Variants in RALGAPA1 observed in about 807,000 individuals in gnomAD.
RALGAPA1 encodes ral GTPase-activating protein subunit alpha-1.
In RALGAPA1, 52 loss-of-function variants were observed where a neutral mutation model predicts 269.6. That is an observed-to-expected ratio of 0.19 (90% confidence interval 0.15 to 0.24). The LOEUF is 0.24. Ranked by LOEUF, RALGAPA1 falls within the 10% of genes least tolerant of loss-of-function variation. The pLI is 1.00. For synonymous variants in RALGAPA1, 817 were observed against 1,008.3 expected (o/e 0.81, Z 3.60); for missense variants, 1,917 against 3,013.9 (o/e 0.64, Z 8.52).
intron 1 of RALGAPA1, among the ~76,000 whole-genome samples, chr14:35,787,965 G>T (rs1329273434): frequency 1.3e-5 from 2 of 151,860 alleles, no homozygotes; most frequent in African/African-American, 2.4e-5. Flanking sequence ...TTTCTACTCA[G>T]TTTTTTATTT....
chr14:35,790,407 G>A (rs2076072880), intron 1 of RALGAPA1, among the ~76,000 whole-genome samples: 1 of 152,092 alleles, frequency 6.6e-6, no homozygotes, highest in Non-Finnish European at 1.5e-5. Flanking sequence ...CTTGGAACAG[G>A]CCAAGCGCGG....
At chr14:35,540,740 T>C (rs538696340) in intron 41 of RALGAPA1, among the ~76,000 whole-genome samples, 4 of 152,174 alleles carry the variant, frequency 2.6e-5, no homozygotes, top group Middle Eastern at 3.4e-3. Flanking sequence ...CTTAAGTACA[T>C]GAAAATTTTC....
At chr14:35,753,225 A>T (rs757058139) in intron 7 of RALGAPA1, among the ~76,000 whole-genome samples, 1 of 152,208 alleles carries the variant, frequency 6.6e-6, no homozygotes, top group Non-Finnish European at 1.5e-5. Context: ...CTTCCACTAG[A>T]CAAATTTAGG....
intron 35 of RALGAPA1, among the ~76,000 whole-genome samples, chr14:35,606,653 T>C (rs1416276552): frequency 2.6e-5 from 4 of 152,064 alleles, no homozygotes; most frequent in Non-Finnish European, 5.9e-5. Context: ...CTTTCCAAGC[T>C]AACTAAGTCA....
chr14:35,788,823 T>C (rs1053279284), intron 1 of RALGAPA1, among the ~76,000 whole-genome samples: 2 of 152,244 alleles, frequency 1.3e-5, no homozygotes, highest in Non-Finnish European at 2.9e-5. Context: ...GCACCAATAC[T>C]TAAGACAACC....
intron 3 of RALGAPA1, among the ~76,000 whole-genome samples, chr14:35,772,167 C>T (rs140011657): frequency 1.6e-4 from 25 of 152,222 alleles, no homozygotes; most frequent in Non-Finnish European, 3.5e-4. Context: ...GTGATCCACT[C>T]GTCTCAGCCT....
intron 1 of RALGAPA1, among the ~76,000 whole-genome samples, chr14:35,779,519 C>T (rs994420850): frequency 6.6e-6 from 1 of 150,940 alleles, no homozygotes; most frequent in Non-Finnish European, 1.5e-5. Context: ...CAAAGCGAGA[C>T]CTTGTCACTA....
At chr14:35,780,091 A>G (rs1291875788) in intron 1 of RALGAPA1, among the ~76,000 whole-genome samples, 1 of 147,582 alleles carries the variant, frequency 6.8e-6, no homozygotes, top group Non-Finnish European at 1.5e-5. Context: ...TGGGTAACAG[A>G]GCTAGACTGT....
intron 21 of RALGAPA1, among the ~76,000 whole-genome samples, chr14:35,680,975 G>GT (rs943641456): frequency 1.3e-5 from 2 of 151,978 alleles, no homozygotes; most frequent in African/African-American, 4.8e-5. Context: ...CTCTTGAACG[G>GT]TTTTTTTAAA....
At chr14:35,750,306 CTTTA>C (rs1258344666) in intron 9 of RALGAPA1, among the ~76,000 whole-genome samples, 172 bp downstream of exon 9, 5 of 152,164 alleles carry the variant, frequency 3.3e-5, no homozygotes, top group Admixed American at 2.0e-4. Context: ...CGTTTCATTT[CTTTA>C]TTAAGAAACT....
chr14:35,719,875 C>T (rs1445638668), intron 16 of RALGAPA1, among the ~76,000 whole-genome samples: 3 of 152,012 alleles, frequency 2.0e-5, no homozygotes, highest in Admixed American at 1.3e-4. Context: ...CTCAGCCTCC[C>T]GAGCAGCTGG....
At chr14:35,541,407 G>A (rs567091750) in intron 41 of RALGAPA1, among the ~76,000 whole-genome samples, 1 of 152,188 alleles carries the variant, frequency 6.6e-6, no homozygotes, top group East Asian at 1.9e-4. Flanking sequence ...TGTTTCCAAG[G>A]AAAAATATTC....
intron 1 of RALGAPA1, among the ~76,000 whole-genome samples, chr14:35,790,023 G>A (rs972728371): frequency 6.6e-6 from 1 of 152,138 alleles, no homozygotes; most frequent in African/African-American, 2.4e-5. Flanking sequence ...GGAGGCCAAG[G>A]AGGTGGATCT....
intron 1 of RALGAPA1, among the ~76,000 whole-genome samples, chr14:35,788,877 C>G (rs550558372): frequency 2.2e-4 from 34 of 152,268 alleles, no homozygotes; most frequent in Middle Eastern, 6.8e-3. Flanking sequence ...TTGTCCATTG[C>G]TTGCTCATGA....
chr14:35,760,697 T>C (rs2073624049), intron 6 of RALGAPA1, 132 bp downstream of exon 6: 2 of 596,650 alleles, frequency 3.4e-6, no homozygotes, highest in East Asian at 2.9e-5. Flanking sequence ...ACCTGAATAA[T>C]AATAAAAGCT....
chr14:35,578,593 C>T (rs556022449), intron 37 of RALGAPA1, among the ~76,000 whole-genome samples: 2 of 152,222 alleles, frequency 1.3e-5, no homozygotes, highest in Non-Finnish European at 2.9e-5. Context: ...ACAGGCACAG[C>T]ATCCAATACT....
chr14:35,780,246 C>G (rs143160331), intron 1 of RALGAPA1, among the ~76,000 whole-genome samples: 185 of 152,228 alleles, frequency 1.2e-3, no homozygotes, highest in East Asian at 8.1e-3. Flanking sequence ...CTGAACAGAA[C>G]TGAATTGAAG....
rs950726485 is a variant in RALGAPA1 at position 35,706,115 on chromosome 14, C to T, written c.2267-5813G>A. ...TCGTTTCATTCCCTTAACAATGTCTCTCACAAAGCAGAAGTTTTAAATTTA... is the reference window on the plus strand; with the variant it reads ...TCGTTTCATTCCCTTAACAATGTCTTTCACAAAGCAGAAGTTTTAAATTTA... On this transcript the variant is annotated intron_variant, in intron 16 of 41. Transcript: ENST00000680220. Among the ~76,000 whole-genome samples the T allele has an allele frequency of 6.6e-5, 10 of 152,296 alleles. No homozygotes were observed. The South Asian group carries it at 1.7e-3, about 25-fold the overall frequency.
chr14:35,631,598 T>C (rs2061360400), intron 33 of RALGAPA1, among the ~76,000 whole-genome samples: 2 of 152,130 alleles, frequency 1.3e-5, no homozygotes, highest in South Asian at 4.2e-4. Flanking sequence ...ACATAGAAGT[T>C]TACACTCTGA....
Sources: gnomAD v4.1 joint callset for allele counts (sites outside exome capture counted in the v4.1 genomes callset) on GRCh38, gnomAD v4.1.1 for gene constraint, MANE v1.5 for transcripts, NCBI Gene and HGNC (gene_info 2026-07-23, HGNC 2026-07-21) for gene names.